Variants in FLRT1 observed in about 807,000 individuals in gnomAD.
FLRT1 encodes the protein fibronectin leucine rich transmembrane protein 1, also known as leucine-rich repeat transmembrane protein FLRT1.
Under a neutral mutation model 30.9 loss-of-function variants are expected in FLRT1, and 14 were observed. The ratio of observed to expected loss-of-function variants is 0.45; its 90% confidence interval spans 0.30 to 0.71. The LOEUF (loss-of-function observed/expected upper bound fraction) is 0.71. Ranked by LOEUF, FLRT1 falls within the 30% of genes least tolerant of loss-of-function variation. FLRT1 has a pLI of 0.08. For missense variants in FLRT1, 737 were observed against 949.2 expected, an observed-to-expected ratio of 0.78 and a Z score of 2.94; for synonymous variants, 368 against 430.4, an observed-to-expected ratio of 0.85 and a Z score of 1.80.
chr11:64,097,827 G>A (rs997171000), intron 1 of FLRT1, among the ~76,000 whole-genome samples: 1 of 152,178 alleles, frequency 6.6e-6, no homozygotes, highest in African/African-American at 2.4e-5. Context: ...TCAGGCCTGG[G>A]GCTGCAGGCT....
At chr11:64,107,499 G>A (rs917017962) in intron 2 of FLRT1, among the ~76,000 whole-genome samples, 2 of 152,152 alleles carry the variant, frequency 1.3e-5, no homozygotes, top group African/African-American at 2.4e-5. Flanking sequence ...CCACCCAGCC[G>A]GCCTATGTGG....
chr11:64,049,306 G>A (rs558965380), intron 1 of FLRT1, among the ~76,000 whole-genome samples: 2 of 152,328 alleles, frequency 1.3e-5, no homozygotes, highest in South Asian at 4.1e-4. Context: ...GATCCCCAAA[G>A]CCTTGGGGAT....
At position 64,116,288 on chromosome 11, in the gene FLRT1, C is replaced by T. The variant is rs746555247; in HGVS notation, c.21C>T (p.Thr7=). 1.9e-5 allele frequency: 30 copies of T among 1,600,654 alleles called. No homozygotes were observed. The highest frequency in any genetic ancestry group is 6.7e-5 in the Admixed American group (4 of 59,366). ...CCACCATGGTGGTGGCACACCCCAC[C>T]GCCACTGCCACCACCACGCCCACTG... MVVAHP[T]ATATTTPTAT... The change falls in exon 3 of 3, where the codon ACC becomes ACT. Residue 7 remains threonine (T), a synonymous_variant. Coordinates refer to ENST00000682287, the MANE Select transcript of FLRT1 (RefSeq NM_013280.5).
intron 1 of FLRT1, among the ~76,000 whole-genome samples, chr11:64,037,327 C>G (rs974954002): frequency 6.6e-6 from 1 of 152,048 alleles, no homozygotes; most frequent in African/African-American, 2.4e-5. Context: ...TGTCTCTGCC[C>G]GGCGGCCGCG....
chr11:64,066,835 T>C (rs1473611046), intron 1 of FLRT1, among the ~76,000 whole-genome samples: 1 of 152,166 alleles, frequency 6.6e-6, no homozygotes, highest in East Asian at 1.9e-4. Flanking sequence ...AACTTGAGGC[T>C]CAGACTGTGA....
At position 64,082,196 on chromosome 11, in the gene FLRT1, G is replaced by A. The variant is rs1400806387; in HGVS notation, c.-1037-20998G>A. The stretch of plus-strand genomic sequence containing the variant: ...GCAGGCCAGAGCCAGGAGCAGGCGC[G>A]AAACATCCCTTAAATATTGGTGCTC... On this transcript the variant is annotated intron_variant, in intron 1 of 2. Coordinates refer to ENST00000682287, the MANE Select transcript of FLRT1 (RefSeq NM_013280.5). This position sits in a 1 kb window ranked among gnomAD's most constrained non-coding sequence, Gnocchi z 4.5. Among the ~76,000 whole-genome samples the A allele has an allele frequency of 1.3e-5, 2 of 152,242 alleles. No homozygotes were observed. Among genetic ancestry groups the A allele is most frequent in the Non-Finnish European group, 2.9e-5 (2 of 67,998 alleles).
intron 2 of FLRT1, among the ~76,000 whole-genome samples, chr11:64,110,404 C>T (rs1474027240): frequency 4.0e-5 from 6 of 151,074 alleles, no homozygotes; most frequent in African/African-American, 9.7e-5. Context: ...GAGCCGTGAT[C>T]GGGCCACTGC....
chr11:64,072,540 A>G (rs762675380), intron 1 of FLRT1, among the ~76,000 whole-genome samples: 5 of 152,194 alleles, frequency 3.3e-5, no homozygotes, highest in Non-Finnish European at 7.3e-5. Context: ...CACAGAAACT[A>G]ATAACATAGC....
rs562028964 is a variant in FLRT1 at position 64,092,843 on chromosome 11, C to T, written c.-1037-10351C>T. Reference sequence around the variant, plus strand: ...AGACATGAACGCTGGGAGGTTAACACGTGTCACCAAAGACAAAGTCAATGG... The same window carrying T: ...AGACATGAACGCTGGGAGGTTAACATGTGTCACCAAAGACAAAGTCAATGG... On this transcript the variant is annotated intron_variant, in intron 1 of 2. Transcript: ENST00000682287. Among the ~76,000 whole-genome samples, 5 of 152,366 alleles carry T rather than the reference C, an allele frequency of 3.3e-5. No individual in the cohort carries two copies. In the South Asian group the frequency reaches 6.2e-4, roughly 19 times the overall value.
In FLRT1 at chr11:64,116,397, T is replaced by G. The variant is rs1426818825; in HGVS notation, c.130T>G (p.Phe44Val). ...WLFLCYGLIA[F>V]LTEVIDSTTC... ...GTTCCTCTGCTACGGGCTCATCGCC[T>G]TCCTGACGGAGGTCATCGACAGCAC... The change falls in exon 3 of 3, where the codon TTC (phenylalanine) becomes GTC (valine). Residue 44 changes from phenylalanine (F) to valine (V), a missense_variant. Coordinates refer to ENST00000682287, the MANE Select transcript of FLRT1 (RefSeq NM_013280.5). The G allele has an allele frequency of 6.2e-7, 1 of 1,613,984 alleles. No individual in the cohort carries two copies. Among genetic ancestry groups the G allele is most frequent in the Non-Finnish European group, 8.5e-7 (1 of 1,180,018 alleles).
At chr11:64,105,476 G>A (rs971024784) in intron 2 of FLRT1, among the ~76,000 whole-genome samples, 1 of 152,196 alleles carries the variant, frequency 6.6e-6, no homozygotes, top group Non-Finnish European at 1.5e-5. Context: ...GCCCCTCCCT[G>A]TATGCCTCCC....
At position 64,082,801 on chromosome 11, in the gene FLRT1, C is replaced by T. The variant is rs1385375880; in HGVS notation, c.-1037-20393C>T. Reference sequence around the variant, plus strand: ...CTGAAAGTCACCTGCTCCCATTTCCCCTGTTTCCCTCAGCTCAGACATCAC... The same window carrying T: ...CTGAAAGTCACCTGCTCCCATTTCCTCTGTTTCCCTCAGCTCAGACATCAC... On this transcript the variant is annotated intron_variant, in intron 1 of 2. Coordinates refer to ENST00000682287, the MANE Select transcript of FLRT1 (RefSeq NM_013280.5). This position sits in a 1 kb window ranked among gnomAD's most constrained non-coding sequence, Gnocchi z 4.5. Among the ~76,000 whole-genome samples the T allele has an allele frequency of 6.6e-6, 1 of 152,184 alleles. No individual in the cohort carries two copies. Among genetic ancestry groups the T allele is most frequent in the African/African-American group, 2.4e-5 (1 of 41,428 alleles).
At chr11:64,056,756 G>A (rs1246568093) in intron 1 of FLRT1, among the ~76,000 whole-genome samples, 1 of 152,152 alleles carries the variant, frequency 6.6e-6, no homozygotes, top group Non-Finnish European at 1.5e-5. Context: ...GGGACCCCTT[G>A]GTGTGGGATG....
intron 2 of FLRT1, among the ~76,000 whole-genome samples, chr11:64,106,969 C>T (rs1019445863): frequency 5.9e-5 from 9 of 152,280 alleles, no homozygotes; most frequent in Non-Finnish European, 1.2e-4. Context: ...CTGCAACCTC[C>T]GCCTCCCAGG....
chr11:64,036,209 G>A lies in FLRT1; in HGVS notation c.-1038+50G>A, dbSNP rs1277687585. ...GGTCGGGGTCCGCGCGTCTGGGACA[G>A]GGCGCCAGAGCCGACGGGGCGGGGG... is the stretch of plus-strand genomic sequence containing the variant. On this transcript the variant is annotated intron_variant, in intron 1 of 2. Transcript: ENST00000682287. This position sits in a 1 kb window ranked among gnomAD's most constrained non-coding sequence, Gnocchi z 5.6. The A allele has an allele frequency of 6.6e-6, 1 of 152,182 alleles. No individual in the cohort carries two copies. The highest frequency in any genetic ancestry group is 2.4e-5 in the African/African-American group (1 of 41,444). 9.4% of individuals were successfully genotyped at this position (152,182 alleles called of 1,614,324 possible). A position where few individuals can be genotyped will look rare whatever the true frequency, so the allele number is the denominator to read the frequency against.
chr11:64,066,648 A>G (rs538735990), intron 1 of FLRT1, among the ~76,000 whole-genome samples: 11 of 152,190 alleles, frequency 7.2e-5, no homozygotes, highest in African/African-American at 2.4e-4. Flanking sequence ...AAAAAGAAAA[A>G]AAAAAAAAAA....
chr11:64,061,072 C>T (rs184659506), intron 1 of FLRT1, among the ~76,000 whole-genome samples: 2 of 152,168 alleles, frequency 1.3e-5, no homozygotes, highest in Admixed American at 6.5e-5. Context: ...GCGTCCCCCC[C>T]ACTCCCAACC....
At chr11:64,084,712 C>T (rs757790731) in intron 1 of FLRT1, among the ~76,000 whole-genome samples, 2 of 152,214 alleles carry the variant, frequency 1.3e-5, no homozygotes, top group Admixed American at 6.5e-5. Context: ...TCCACGTGCC[C>T]GTGCTGCTTC....
chr11:64,048,351 G>A lies in FLRT1; in HGVS notation c.-1038+12192G>A, dbSNP rs1043474728. On this transcript the variant is annotated intron_variant, in intron 1 of 2. Transcript: ENST00000682287. Reference sequence around the variant, plus strand: ...CAGTGCACTGTCCCTGCCCTGACCCGGGGTCAGCAGGACAGAGGCCCTTGT... The same window carrying A: ...CAGTGCACTGTCCCTGCCCTGACCCAGGGTCAGCAGGACAGAGGCCCTTGT... Among the ~76,000 whole-genome samples, 11 of 152,194 alleles carry A rather than the reference G, an allele frequency of 7.2e-5. No individual in the cohort carries two copies. The South Asian group carries it at 1.4e-3, about 20-fold the overall frequency.
Sources: allele counts gnomAD v4.1 joint callset (sites outside exome capture counted in the v4.1 genomes callset), GRCh38; gene constraint gnomAD v4.1.1; non-coding constraint Gnocchi (gnomAD v3.1); transcripts MANE v1.5; gene names NCBI Gene and HGNC (gene_info 2026-07-23, HGNC 2026-07-21).